The following SYT1 variants were observed in gnomAD, a reference collection of about 807,000 sequenced individuals.
SYT1 encodes synaptotagmin-1.
In SYT1, 8 loss-of-function variants were observed where a neutral mutation model predicts 44.8. The ratio of observed to expected loss-of-function variants is 0.18; its 90% CI spans 0.10 to 0.32. SYT1 has a LOEUF of 0.32. Ranked by LOEUF, SYT1 falls within the 10% of genes least tolerant of loss-of-function variation. The pLI, the probability that SYT1 is intolerant of heterozygous loss-of-function variation, is 1.00. For synonymous variants in SYT1, 154 were observed against 188.8 expected, an observed-to-expected ratio of 0.82 and a Z score of 1.51; for missense variants, 286 against 509.3, an observed-to-expected ratio of 0.56 and a Z score of 4.22.
intron 4 of SYT1, among the ~76,000 whole-genome samples, chr12:79,251,726 G>A (rs1051966460): frequency 2.6e-5 from 4 of 152,142 alleles, no homozygotes; most frequent in African/African-American, 4.8e-5. Flanking sequence ...TTAACCCCAA[G>A]TGAGTAGAAC....
intron 3 of SYT1, among the ~76,000 whole-genome samples, chr12:79,200,573 A>G (rs1442082069): frequency 6.6e-6 from 1 of 152,092 alleles, no homozygotes; most frequent in Non-Finnish European, 1.5e-5. Flanking sequence ...CTCCCAGAAA[A>G]ATTCCTCCTT....
intron 1 of SYT1, among the ~76,000 whole-genome samples, chr12:78,970,017 G>C (rs1460023348): frequency 3.9e-5 from 6 of 152,120 alleles, no homozygotes; most frequent in Non-Finnish European, 7.4e-5. Context: ...AGATGAAGGG[G>C]AAGTAGAAGA....
At chr12:79,229,142 G>A (rs111273107) in intron 4 of SYT1, among the ~76,000 whole-genome samples, 13 of 152,108 alleles carry the variant, frequency 8.5e-5, no homozygotes, top group Admixed American at 2.6e-4. Flanking sequence ...ATCTCTTCTC[G>A]GCACTGTGTT....
At chr12:78,967,420 G>GCTTT (rs1868274131) in intron 1 of SYT1, among the ~76,000 whole-genome samples, 1 of 152,110 alleles carries the variant, frequency 6.6e-6, no homozygotes, top group Non-Finnish European at 1.5e-5. Context: ...GCAATAACAT[G>GCTTT]ATAACAGCCT....
At chr12:79,382,927 C>T (rs184474353) in intron 9 of SYT1, among the ~76,000 whole-genome samples, 3 of 152,294 alleles carry the variant, frequency 2.0e-5, no homozygotes, top group Admixed American at 1.3e-4. Flanking sequence ...TAGTCTGTGT[C>T]GTGTGTGAAA....
chr12:79,376,470 C>T (rs763014993), intron 9 of SYT1, among the ~76,000 whole-genome samples: 1 of 152,172 alleles, frequency 6.6e-6, no homozygotes, highest in South Asian at 2.1e-4. Context: ...AGAGGTCACT[C>T]TCGGCGCCAT....
chr12:79,150,863 A>G (rs902160766), intron 3 of SYT1, among the ~76,000 whole-genome samples: 4 of 152,198 alleles, frequency 2.6e-5, no homozygotes, highest in African/African-American at 9.7e-5. Flanking sequence ...GAAAGGAGAA[A>G]CAGCCAGGAG....
At chr12:78,961,795 CCTTTT>C (rs1363825746) in intron 1 of SYT1, among the ~76,000 whole-genome samples, 6 of 152,030 alleles carry the variant, frequency 3.9e-5, no homozygotes, top group Non-Finnish European at 5.9e-5. Flanking sequence ...AACATGGTAT[CCTTTT>C]CTTTTCTGCT....
intron 4 of SYT1, among the ~76,000 whole-genome samples, chr12:79,282,506 A>C (rs918994066): frequency 1.3e-5 from 2 of 152,182 alleles, no homozygotes; most frequent in African/African-American, 4.8e-5. Context: ...ATGTAATGGT[A>C]GTTGGGTAGC....
At position 79,299,929 on chromosome 12, in the gene SYT1, A is replaced by G. The variant is rs536266191; in HGVS notation, c.810+378A>G. On this transcript the variant is annotated intron_variant, in intron 8 of 10. Transcript: ENST00000261205. ...TCCACAATCATTTTGTGTTTTCTGCATAGGTTATGTAGCTATTACACAGAA... is the reference window on the plus strand; with the variant it reads ...TCCACAATCATTTTGTGTTTTCTGCGTAGGTTATGTAGCTATTACACAGAA... Among the ~76,000 whole-genome samples the G allele has an allele frequency of 9.2e-5, 14 of 152,284 alleles. No individual in the cohort carries two copies. The South Asian group carries it at 2.7e-3, about 29-fold the overall frequency.
At position 79,071,207 on chromosome 12, in the gene SYT1, A is replaced by G. The variant is rs967800637; in HGVS notation, c.-18+23845A>G. Among the ~76,000 whole-genome samples the G allele has an allele frequency of 2.0e-5, 3 of 152,176 alleles. No individual in the cohort carries two copies. In the South Asian group the frequency reaches 6.2e-4, roughly 31 times the overall value. On this transcript the variant is annotated intron_variant, in intron 3 of 10. Transcript: ENST00000261205. The stretch of plus-strand genomic sequence containing the variant: ...AGAGCAACAGATCCTTCTTCAGTAT[A>G]TTATTGGCTGGAAGTGTACAGAAAT...
chr12:79,109,845 C>T (rs1878917233), intron 3 of SYT1, among the ~76,000 whole-genome samples: 2 of 152,066 alleles, frequency 1.3e-5, no homozygotes, highest in African/African-American at 2.4e-5. Flanking sequence ...AAAGTAAATT[C>T]CAACCACAGA....
intron 9 of SYT1, among the ~76,000 whole-genome samples, chr12:79,423,744 G>A (rs137974476): frequency 1.3e-5 from 2 of 151,892 alleles, no homozygotes; most frequent in East Asian, 3.9e-4. Context: ...TGTTATGGTC[G>A]AGATGTTATT....
At chr12:79,015,341 AAT>A (rs1871736462) in intron 2 of SYT1, among the ~76,000 whole-genome samples, 1 of 152,312 alleles carries the variant, frequency 6.6e-6, no homozygotes, top group Non-Finnish European at 1.5e-5. Flanking sequence ...CTCCAATTTA[AAT>A]ATGTTTGTAA....
intron 1 of SYT1, among the ~76,000 whole-genome samples, chr12:78,911,988 A>G (rs529643213): frequency 6.6e-6 from 1 of 152,128 alleles, no homozygotes; most frequent in Admixed American, 6.6e-5. Context: ...AAAGTCCAAC[A>G]TAATTGATGA....
intron 4 of SYT1, among the ~76,000 whole-genome samples, chr12:79,219,933 G>T (rs567959944): frequency 6.6e-6 from 1 of 151,998 alleles, no homozygotes; most frequent in South Asian, 2.1e-4. Flanking sequence ...TTCTATCAGG[G>T]CTTTTCTGGC....
intron 2 of SYT1, among the ~76,000 whole-genome samples, chr12:79,036,122 C>T (rs1041653259): frequency 2.0e-5 from 3 of 151,730 alleles, no homozygotes; most frequent in African/African-American, 4.8e-5. Context: ...AACAACTACT[C>T]ATTTTAAGTA....
At chr12:79,294,584 C>A (rs769828485) in intron 6 of SYT1, among the ~76,000 whole-genome samples, 10 of 152,044 alleles carry the variant, frequency 6.6e-5, no homozygotes, top group African/African-American at 1.4e-4. Flanking sequence ...AACAAAATAT[C>A]CAAAAACTCT....
At chr12:78,973,641 T>G (rs1245478307) in intron 1 of SYT1, among the ~76,000 whole-genome samples, 1 of 152,056 alleles carries the variant, frequency 6.6e-6, no homozygotes, top group Non-Finnish European at 1.5e-5. Flanking sequence ...GAACACATTT[T>G]GTTAATCTAA....
Sources: gnomAD v4.1 joint callset for allele counts (sites outside exome capture counted in the v4.1 genomes callset) on GRCh38, gnomAD v4.1.1 for gene constraint, MANE v1.5 for transcripts, NCBI Gene and HGNC (gene_info 2026-07-23, HGNC 2026-07-21) for gene names.